The following TTC28 variants were observed in gnomAD, a reference collection of about 807,000 sequenced individuals.
TTC28 encodes tetratricopeptide repeat protein 28.
In TTC28, 61 loss-of-function variants were observed where a neutral mutation model predicts 198.0. The observed-to-expected ratio is 0.31, with a 90% CI of 0.25 to 0.38. The LOEUF is 0.38. Among genes scored for constraint, TTC28 ranks in the 10% least tolerant of loss-of-function variants. TTC28 has a pLI of 1.00. For missense variants in TTC28, 2,678 were observed against 3,164.0 expected, an observed-to-expected ratio of 0.85 and a Z score of 3.69; for synonymous variants, 1,171 against 1,297.8, an observed-to-expected ratio of 0.90 and a Z score of 2.10.
chr22:28,023,418 G>C (rs1373679291), intron 13 of TTC28, among the ~76,000 whole-genome samples: 1 of 152,214 alleles, frequency 6.6e-6, no homozygotes, highest in East Asian at 1.9e-4. Context: ...CAGAACAAAG[G>C]CCCGAGCCAG....
At chr22:28,119,006 A>AG (rs1234119355) in intron 6 of TTC28, among the ~76,000 whole-genome samples, 1 of 152,194 alleles carries the variant, frequency 6.6e-6, no homozygotes, top group African/African-American at 2.4e-5. Flanking sequence ...GTGTCCCCTG[A>AG]GCCTGCCATT....
intron 6 of TTC28, among the ~76,000 whole-genome samples, chr22:28,135,100 TGA>T (rs1943168021): frequency 1.3e-5 from 2 of 152,218 alleles, no homozygotes; most frequent in South Asian, 4.2e-4. Context: ...TATTATGCTA[TGA>T]GATTTTGGAT....
At chr22:28,178,332 T>C (rs1467494767) in intron 5 of TTC28, among the ~76,000 whole-genome samples, 1 of 149,440 alleles carries the variant, frequency 6.7e-6, no homozygotes, top group Admixed American at 6.7e-5. Flanking sequence ...CCAAGCCTAG[T>C]GGCACATGCC....
At chr22:28,178,284 G>A (rs190723686) in intron 5 of TTC28, among the ~76,000 whole-genome samples, 92 of 131,278 alleles carry the variant, frequency 7.0e-4, no homozygotes, top group African/African-American at 2.4e-3. Flanking sequence ...GTGAAACGCC[G>A]TCTCTACTAA....
intron 5 of TTC28, among the ~76,000 whole-genome samples, chr22:28,231,110 A>G (rs1405397887): frequency 2.6e-5 from 4 of 152,218 alleles, no homozygotes; most frequent in Non-Finnish European, 5.9e-5. Flanking sequence ...TCATGCCACA[A>G]CTACTGACTA....
chr22:28,578,575 T>G (rs1010178893), intron 2 of TTC28, among the ~76,000 whole-genome samples: 1 of 152,112 alleles, frequency 6.6e-6, no homozygotes, highest in Non-Finnish European at 1.5e-5. Flanking sequence ...AAAATCACCT[T>G]TATAAGAACC....
intron 5 of TTC28, among the ~76,000 whole-genome samples, chr22:28,179,042 A>G (rs1923446203): frequency 6.6e-6 from 1 of 152,248 alleles, no homozygotes; most frequent in Admixed American, 6.5e-5. Flanking sequence ...TCCATGGAGT[A>G]GACGAAAACT....
At chr22:28,326,824 A>G (rs968495806) in intron 2 of TTC28, among the ~76,000 whole-genome samples, 1 of 152,150 alleles carries the variant, frequency 6.6e-6, no homozygotes, top group Non-Finnish European at 1.5e-5. Flanking sequence ...GAGTCAAACT[A>G]TAACTCAGAT....
At chr22:28,121,936 T>C (rs1399739511) in intron 6 of TTC28, among the ~76,000 whole-genome samples, 4 of 152,174 alleles carry the variant, frequency 2.6e-5, no homozygotes, top group Admixed American at 2.0e-4. Flanking sequence ...GGCACGATCT[T>C]GGCTCACTGC....
At chr22:28,590,160 C>G (rs1472309273) in intron 2 of TTC28, among the ~76,000 whole-genome samples, 1 of 140,218 alleles carries the variant, frequency 7.1e-6, no homozygotes, top group Non-Finnish European at 1.5e-5. Context: ...CGGAGTCTCT[C>G]TCTGTCGCCC....
At chr22:28,242,542 T>C (rs1929729406) in intron 5 of TTC28, among the ~76,000 whole-genome samples, 1 of 152,158 alleles carries the variant, frequency 6.6e-6, no homozygotes. Flanking sequence ...GAAAATGAAA[T>C]TGTAAATGGA....
At chr22:28,193,665 C>A (rs1331831197) in intron 5 of TTC28, among the ~76,000 whole-genome samples, 1 of 152,070 alleles carries the variant, frequency 6.6e-6, no homozygotes, top group African/African-American at 2.4e-5. Flanking sequence ...GACTTTAAAC[C>A]AACAAAGATT....
intron 6 of TTC28, among the ~76,000 whole-genome samples, chr22:28,150,668 C>T (rs1230426778): frequency 6.6e-6 from 1 of 152,212 alleles, no homozygotes; most frequent in Non-Finnish European, 1.5e-5. Context: ...CATCTGCACT[C>T]ACCATTGCTG....
chr22:28,291,515 T>A (rs1280930720), intron 5 of TTC28, among the ~76,000 whole-genome samples: 1 of 152,224 alleles, frequency 6.6e-6, no homozygotes, highest in Non-Finnish European at 1.5e-5. Flanking sequence ...TATTACCTTT[T>A]TCTTAACCTA....
chr22:28,338,017 C>G lies in TTC28; in HGVS notation c.382-31374G>C, dbSNP rs2045761797. ...CCATGTTTAGTGCTTCCTTCAGGAG[C>G]TCTTTTAGGGCAGGCCTGGTGGTGA... On this transcript the variant is annotated intron_variant, in intron 2 of 22. Transcript: ENST00000397906. Among the ~76,000 whole-genome samples the G allele has an allele frequency of 2.0e-5, 3 of 152,018 alleles. No individual in the cohort carries two copies. In the South Asian group the frequency reaches 6.2e-4, roughly 32 times the overall value.
chr22:28,512,081 G>A (rs2048696627), intron 2 of TTC28, among the ~76,000 whole-genome samples: 1 of 151,310 alleles, frequency 6.6e-6, no homozygotes, highest in African/African-American at 2.4e-5. Flanking sequence ...GAGTCTACAA[G>A]GAACTTAAAT....
At chr22:28,092,400 G>A (rs954221889) in intron 12 of TTC28, among the ~76,000 whole-genome samples, 6 of 152,144 alleles carry the variant, frequency 3.9e-5, no homozygotes, top group Admixed American at 6.5e-5. Flanking sequence ...GTGGAAGGAG[G>A]GACAGTGGGG....
intron 2 of TTC28, among the ~76,000 whole-genome samples, chr22:28,387,186 T>C (rs1426955325): frequency 6.6e-6 from 1 of 152,256 alleles, no homozygotes; most frequent in South Asian, 2.1e-4. Flanking sequence ...TCATTTTTTA[T>C]GGCTGCATAG....
chr22:28,513,814 T>C (rs1248981629), intron 2 of TTC28, among the ~76,000 whole-genome samples: 3 of 152,122 alleles, frequency 2.0e-5, no homozygotes, highest in Non-Finnish European at 4.4e-5. Flanking sequence ...TGTGTATATG[T>C]ATATTAAAAA....
Sources: allele counts gnomAD v4.1 joint callset (sites outside exome capture counted in the v4.1 genomes callset), GRCh38; gene constraint gnomAD v4.1.1; transcripts MANE v1.5; gene names NCBI Gene and HGNC (gene_info 2026-07-23, HGNC 2026-07-21).